DCAF6: variants seen among roughly 807,000 people sequenced by gnomAD.
DCAF6 encodes DDB1 and CUL4 associated factor 6.
In DCAF6, 54 loss-of-function variants were observed where a neutral mutation model predicts 125.1. The observed-to-expected ratio is 0.43, with a 90% CI of 0.35 to 0.54. The LOEUF (loss-of-function observed/expected upper bound fraction) is 0.54, where lower values mean the gene tolerates loss of function less well. Among genes scored for constraint, DCAF6 ranks in the 20% least tolerant of loss-of-function variants. The probability of loss-of-function intolerance (pLI) is 0.01; values close to 1 mark genes in which losing one functional copy is unlikely to be tolerated. For synonymous variants in DCAF6, 371 were observed against 390.4 expected, an observed-to-expected ratio of 0.95 and a Z score of 0.58; for missense variants, 934 against 1,161.7, an observed-to-expected ratio of 0.80 and a Z score of 2.85.
chr1:168,045,422 T>C (rs951523692), intron 16 of DCAF6, among the ~76,000 whole-genome samples, 195 bp downstream of exon 16: 2 of 152,188 alleles, frequency 1.3e-5, no homozygotes. Flanking sequence ...TGTGCATTAA[T>C]AGGGAAATAA....
intron 16 of DCAF6, 91 bp from the exon 17 acceptor site, chr1:168,050,797 ATGAT>A: frequency 3.1e-6 from 2 of 640,842 alleles, no homozygotes; most frequent in Non-Finnish European, 4.7e-6. Context: ...TTAAATTGAG[ATGAT>A]TGATGATAAA....
Position 168,015,918 on chromosome 1 carries a change from C to T in DCAF6, c.1516C>T (p.His506Tyr). ...GCCTTCCACTTCTGATCAGTCTTCT[C>T]ATGAGGGCTCTTCACAGGACCCTCA... is the stretch of plus-strand genomic sequence containing the variant. ...QQPSTSDQSS[H>Y]EGSSQDPHAS... The change falls in exon 11 of 22, where the codon CAT becomes TAT. Residue 506 changes from histidine (H) to tyrosine (Y), a missense_variant. Transcript: ENST00000367840. The T allele has an allele frequency of 6.5e-7, 1 of 1,532,040 alleles. No individual in the cohort carries two copies. Among genetic ancestry groups the T allele is most frequent in the Non-Finnish European group, 8.8e-7 (1 of 1,137,658 alleles). The allele number at this position is 1,532,040 out of a possible 1,614,324, so 94.9% of individuals were successfully genotyped here.
the DCAF6 span, among the ~76,000 whole-genome samples, chr1:167,867,790 AG>A: frequency 1.3e-5 from 2 of 152,100 alleles, no homozygotes; most frequent in African/African-American, 4.8e-5. Context: ...AAAAAAAAAA[AG>A]TTACACAGCA....
the DCAF6 span, among the ~76,000 whole-genome samples, chr1:167,908,531 C>T: frequency 1.3e-5 from 2 of 152,048 alleles, no homozygotes; most frequent in Admixed American, 6.6e-5. Flanking sequence ...TTCAAAATGG[C>T]TAAGAGAGTA....
the DCAF6 span, chr1:167,919,848 G>A: frequency 1.1e-5 from 6 of 567,858 alleles, no homozygotes; most frequent in Non-Finnish European, 1.9e-5. Flanking sequence ...CATTATATAT[G>A]AATCTTTTAA....
chr1:168,023,157 T>C (rs1368002849), intron 12 of DCAF6, 110 bp downstream of exon 12: 1 of 1,156,752 alleles, frequency 8.6e-7, no homozygotes, highest in Non-Finnish European at 1.3e-6. Context: ...TATGGTCTTA[T>C]AGTCAGTATT....
chr1:167,899,137 G>A, the DCAF6 span, among the ~76,000 whole-genome samples: 129 of 152,214 alleles, frequency 8.5e-4, 1 homozygote, highest in South Asian at 0.024. Flanking sequence ...GACCCTTCTG[G>A]TTCCTTAAGC....
chr1:167,956,934 C>T (rs1198993912), intron 2 of DCAF6, among the ~76,000 whole-genome samples: 1 of 151,884 alleles, frequency 6.6e-6, no homozygotes, highest in Non-Finnish European at 1.5e-5. Flanking sequence ...GACTTGTAGT[C>T]TTCTATTTAA....
chr1:167,991,156 C>T, intron 5 of DCAF6, 48 bp from the exon 6 acceptor site: 1 of 1,455,982 alleles, frequency 6.9e-7, no homozygotes, highest in Non-Finnish European at 9.3e-7. Flanking sequence ...TATAATTTCA[C>T]CTCTGCTGTA....
chr1:168,033,333 G>T (rs1687356740), intron 12 of DCAF6, among the ~76,000 whole-genome samples: 1 of 143,782 alleles, frequency 7.0e-6, no homozygotes, highest in Non-Finnish European at 1.5e-5. Context: ...TTTTGAGACG[G>T]AGTCTCGCTC....
the DCAF6 span, among the ~76,000 whole-genome samples, chr1:167,883,889 A>C: frequency 6.6e-6 from 1 of 152,188 alleles, no homozygotes; most frequent in South Asian, 2.1e-4. Context: ...CCTCATGCCA[A>C]TATGAGCCAT....
At chr1:167,884,843 A>G in the DCAF6 span, among the ~76,000 whole-genome samples, 3 of 151,924 alleles carry the variant, frequency 2.0e-5, no homozygotes, top group East Asian at 3.9e-4. Context: ...GATTGCAGGC[A>G]TGCACCACCA....
intron 7 of DCAF6, 31 bp downstream of exon 7, chr1:167,993,471 C>T (rs774620118): frequency 2.1e-5 from 33 of 1,590,954 alleles, no homozygotes; most frequent in Non-Finnish European, 2.5e-5. Context: ...GTCCTTTGGC[C>T]GGGCGCGGTG....
At chr1:167,899,352 G>C in the DCAF6 span, 1 of 1,485,302 alleles carries the variant, frequency 6.7e-7, no homozygotes. Flanking sequence ...AGCGTGCCCA[G>C]TGACTCTTCT....
chr1:168,015,692 A>C (rs1571948563), intron 10 of DCAF6, 89 bp from the exon 11 acceptor site: 1 of 1,182,774 alleles, frequency 8.5e-7, no homozygotes, highest in Non-Finnish European at 1.1e-6. Context: ...TTTTGTTTAT[A>C]TCCTTCTTCT....
At chr1:167,982,201 C>T (rs1286462951) in intron 4 of DCAF6, among the ~76,000 whole-genome samples, 1 of 151,974 alleles carries the variant, frequency 6.6e-6, no homozygotes, top group Non-Finnish European at 1.5e-5. Context: ...GTCCTTTGCT[C>T]ATTTTTTAAG....
intron 4 of DCAF6, among the ~76,000 whole-genome samples, chr1:167,986,200 C>T (rs1188720742): frequency 6.6e-6 from 1 of 152,062 alleles, no homozygotes; most frequent in Non-Finnish European, 1.5e-5. Flanking sequence ...TTTACATGCC[C>T]CATGCAGGCG....
At chr1:168,049,410 T>A (rs1040172711) in intron 16 of DCAF6, among the ~76,000 whole-genome samples, 4 of 140,438 alleles carry the variant, frequency 2.8e-5, no homozygotes, top group Non-Finnish European at 6.0e-5. Flanking sequence ...ACTCTGCTAA[T>A]TTGTTGTTGT....
At chr1:168,029,380 G>A (rs957063295) in intron 12 of DCAF6, among the ~76,000 whole-genome samples, 1 of 152,176 alleles carries the variant, frequency 6.6e-6, no homozygotes, top group Non-Finnish European at 1.5e-5. Context: ...ATATTTGTAT[G>A]TCTGTACTTC....
Sources: allele counts gnomAD v4.1 joint callset (sites outside exome capture counted in the v4.1 genomes callset), GRCh38; gene constraint gnomAD v4.1.1; transcripts MANE v1.5; gene names NCBI Gene and HGNC (gene_info 2026-07-23, HGNC 2026-07-21).